Variants in LYRM4 observed in about 807,000 individuals in gnomAD.
The protein encoded by LYRM4 is LYR motif containing 4, also known as LYR motif-containing protein 4.
In LYRM4, 9 loss-of-function variants were observed where a neutral mutation model predicts 11.7. That is an observed-to-expected ratio of 0.77 (90% CI 0.46 to 1.34). LYRM4 has a LOEUF of 1.34. LYRM4 is among the 40% of genes most tolerant of loss of function. The pLI, the probability that LYRM4 is intolerant of heterozygous loss-of-function variation, is 0.00. For missense variants in LYRM4, 133 were observed against 112.5 expected (o/e 1.18, Z -0.82); for synonymous variants, 42 against 40.4 (o/e 1.04, Z -0.15).
intron 1 of LYRM4, among the ~76,000 whole-genome samples, chr6:5,234,473 T>C (rs1266345686): frequency 6.6e-6 from 1 of 152,202 alleles, no homozygotes; most frequent in East Asian, 1.9e-4. Context: ...TACTCTATTT[T>C]ATAACAGGAG....
intron 1 of LYRM4, chr6:5,218,270 C>T (rs1486639350): frequency 2.0e-6 from 2 of 985,166 alleles, no homozygotes; most frequent in East Asian, 1.1e-4. Flanking sequence ...TTAAAGAATC[C>T]ATGTGATGCC....
intron 2 of LYRM4, among the ~76,000 whole-genome samples, 195 bp from the exon 3 acceptor site, chr6:5,109,686 T>G (rs537072748): frequency 6.9e-6 from 1 of 144,312 alleles, no homozygotes; most frequent in African/African-American, 2.6e-5. Context: ...TGTGAGAAGT[T>G]ACAGAGATCC....
At chr6:5,148,256 C>T (rs1432177349) in intron 2 of LYRM4, 1 of 153,926 alleles carries the variant, frequency 6.5e-6, no homozygotes, top group Admixed American at 6.5e-5. Flanking sequence ...GAGAGGATGA[C>T]GCAGACTTGG....
Position 5,109,285 on chromosome 6 carries a change from G to A in LYRM4, c.*138C>T. ...ACTAAGCCTGCAACAGAATGCAAATGTGACTTGGTTTATCAGCTCCCACAG... is the reference window on the plus strand; with the variant it reads ...ACTAAGCCTGCAACAGAATGCAAATATGACTTGGTTTATCAGCTCCCACAG... On this transcript the variant is annotated 3_prime_UTR_variant, in exon 3 of 3. Transcript: ENST00000330636. The A allele has an allele frequency of 1.3e-6, 2 of 1,528,546 alleles. No individual in the cohort carries two copies. Among genetic ancestry groups the A allele is most frequent in the African/African-American group, 1.4e-5 (1 of 72,666 alleles). 94.7% of individuals were successfully genotyped at this position (1,528,546 alleles called of 1,614,324 possible). A position where few individuals can be genotyped will look rare whatever the true frequency, so the allele number is the denominator to read the frequency against.
At chr6:5,187,426 T>C (rs944876099) in intron 2 of LYRM4, among the ~76,000 whole-genome samples, 3 of 152,166 alleles carry the variant, frequency 2.0e-5, no homozygotes, top group Non-Finnish European at 4.4e-5. Flanking sequence ...GCTAATTAGA[T>C]AGATTACAGC....
chr6:5,226,049 A>G (rs2127736242), intron 1 of LYRM4, among the ~76,000 whole-genome samples: 1 of 152,270 alleles, frequency 6.6e-6, no homozygotes, highest in Non-Finnish European at 1.5e-5. Context: ...TTAAGAAGCT[A>G]GCCTTTTGTG....
chr6:5,084,274 T>C, the LYRM4 span, among the ~76,000 whole-genome samples: 1 of 152,146 alleles, frequency 6.6e-6, no homozygotes, highest in Admixed American at 6.5e-5. Flanking sequence ...CCCCAATCCC[T>C]AGGTACCACG....
At chr6:5,122,837 A>G (rs979779403) in intron 2 of LYRM4, among the ~76,000 whole-genome samples, 1 of 152,232 alleles carries the variant, frequency 6.6e-6, no homozygotes, top group Non-Finnish European at 1.5e-5. Flanking sequence ...CTTCACGCTC[A>G]GCATCCCAGG....
intron 1 of LYRM4, among the ~76,000 whole-genome samples, chr6:5,224,780 TG>T (rs1454751672): frequency 2.3e-5 from 3 of 130,990 alleles, no homozygotes; most frequent in African/African-American, 8.8e-5. Flanking sequence ...ACCAACATGG[TG>T]AAACCCCATC....
intron 1 of LYRM4, among the ~76,000 whole-genome samples, chr6:5,222,707 TA>T (rs987845034): frequency 1.2e-4 from 16 of 128,130 alleles, no homozygotes; most frequent in South Asian, 2.4e-4. Flanking sequence ...TAAAGTAAAT[TA>T]AAAAAAAGTA....
chr6:5,103,630 AT>A (rs59251955), downstream of LYRM4: 70,721 of 119,442 alleles, frequency 0.59, 17,351 homozygotes, highest in East Asian at 0.69. Context: ...TATCTGAGAT[AT>A]TTTTTTTTTT....
At chr6:5,086,382 C>T in the LYRM4 span, 3 of 1,536,050 alleles carry the variant, frequency 2.0e-6, no homozygotes, top group African/African-American at 2.7e-5. Flanking sequence ...GCGCCGAGTG[C>T]TTCCACTTCT....
At chr6:5,096,989 T>C in the LYRM4 span, among the ~76,000 whole-genome samples, 3 of 152,246 alleles carry the variant, frequency 2.0e-5, no homozygotes, top group Non-Finnish European at 4.4e-5. Flanking sequence ...CATTTGCTTC[T>C]TGTCCACATG....
chr6:5,091,798 C>T, the LYRM4 span, among the ~76,000 whole-genome samples: 1 of 152,214 alleles, frequency 6.6e-6, no homozygotes, highest in Non-Finnish European at 1.5e-5. Flanking sequence ...AGAAACTCCA[C>T]ATTTATACAA....
intron 1 of LYRM4, among the ~76,000 whole-genome samples, chr6:5,227,925 C>G (rs141051508): frequency 0.017 from 2,516 of 152,184 alleles, 66 homozygotes; most frequent in African/African-American, 0.058. Flanking sequence ...TAAGTGGGAG[C>G]TGAACAATGA....
At chr6:5,138,806 G>A in intron 2 of LYRM4, 8 of 1,252,028 alleles carry the variant, frequency 6.4e-6, no homozygotes, top group Non-Finnish European at 8.9e-6. Context: ...GAGTTCTTTG[G>A]GATTTCAAAC....
downstream of LYRM4, among the ~76,000 whole-genome samples, chr6:5,101,256 C>T (rs190024220): frequency 6.6e-6 from 1 of 152,202 alleles, no homozygotes; most frequent in Non-Finnish European, 1.5e-5. Context: ...AGAACTCGTA[C>T]AGCTATTTAC....
At chr6:5,196,904 T>C (rs1368822919) in intron 2 of LYRM4, among the ~76,000 whole-genome samples, 1 of 152,206 alleles carries the variant, frequency 6.6e-6, no homozygotes, top group Non-Finnish European at 1.5e-5. Context: ...TGATTTATTA[T>C]AGAAGTTCCA....
rs144006431 is a variant in LYRM4, at chr6:5,188,112, G to T, written c.207+28506C>A. Among the ~76,000 whole-genome samples, 608 of 152,350 alleles carry T rather than the reference G, an allele frequency of 4.0e-3. 1 individual carries two copies. The highest frequency in any genetic ancestry group is 0.014 in the Middle Eastern group (4 of 294). Reference sequence around the variant, plus strand: ...ACCTGTAATCCCAACACTTTGGGAGGCTGAGGTGGGAGGACTACTTGAGGC... The same window carrying T: ...ACCTGTAATCCCAACACTTTGGGAGTCTGAGGTGGGAGGACTACTTGAGGC... On this transcript the variant is annotated intron_variant, in intron 2 of 2. Coordinates refer to ENST00000330636, the MANE Select transcript of LYRM4 (RefSeq NM_020408.6).
Sources: gnomAD v4.1 joint callset for allele counts (sites outside exome capture counted in the v4.1 genomes callset) on GRCh38, gnomAD v4.1.1 for gene constraint, MANE v1.5 for transcripts, NCBI Gene and HGNC (gene_info 2026-07-23, HGNC 2026-07-21) for gene names.